TFCP2L1: variants seen among roughly 807,000 people sequenced by gnomAD.
TFCP2L1 encodes the protein transcription factor CP2 like 1, also known as transcription factor CP2-like protein 1.
TFCP2L1 carries 12 observed loss-of-function variants against 72.2 expected under a neutral mutation model. The observed-to-expected ratio is 0.17, with a 90% CI of 0.11 to 0.27. The LOEUF (loss-of-function observed/expected upper bound fraction) is 0.27, where lower values mean the gene tolerates loss of function less well. TFCP2L1 is among the 10% of genes least tolerant of loss of function. The probability of loss-of-function intolerance (pLI) is 1.00; values close to 1 mark genes in which losing one functional copy is unlikely to be tolerated. For missense variants in TFCP2L1, 488 were observed against 624.6 expected, an observed-to-expected ratio of 0.78 and a Z score of 2.33; for synonymous variants, 260 against 251.0, an observed-to-expected ratio of 1.04 and a Z score of -0.34.
chr2:121,238,061 A>C (rs1235579978), intron 8 of TFCP2L1, among the ~76,000 whole-genome samples: 2 of 152,214 alleles, frequency 1.3e-5, no homozygotes, highest in South Asian at 2.1e-4. Flanking sequence ...CATTGTAGAC[A>C]GCAAGTTCTG....
chr2:121,262,609 G>A (rs1038577672), intron 2 of TFCP2L1, among the ~76,000 whole-genome samples: 3 of 152,212 alleles, frequency 2.0e-5, no homozygotes, highest in Admixed American at 6.5e-5. Flanking sequence ...CGGGAACAAC[G>A]GACAGTAGTG....
chr2:121,251,333 C>G (rs1051428508), intron 2 of TFCP2L1, among the ~76,000 whole-genome samples: 3 of 151,998 alleles, frequency 2.0e-5, no homozygotes, highest in African/African-American at 4.8e-5. Flanking sequence ...CTGATGGAAC[C>G]ATGGTACATT....
rs187478576 is a variant in TFCP2L1 at position 121,260,271 on chromosome 2, G to A, written c.215-10624C>T. On this transcript the variant is annotated intron_variant, in intron 2 of 14. Transcript: ENST00000263707. ...AGGAGAAGAGGGGAAAGGGAGCTGGGGTCAGGTCAGATACACCACCGGGGT... is the reference window on the plus strand; with the variant it reads ...AGGAGAAGAGGGGAAAGGGAGCTGGAGTCAGGTCAGATACACCACCGGGGT... Among the ~76,000 whole-genome samples the A allele has an allele frequency of 5.3e-5, 8 of 150,556 alleles. No individual in the cohort carries two copies. In the East Asian group the frequency reaches 1.6e-3, roughly 30 times the overall value.
In TFCP2L1 at chr2:121,231,850, G is replaced by A; in HGVS notation, c.1317C>T (p.Gly439=). Residue 439 remains glycine (G), a synonymous_variant, in exon 13 of 15, where the codon GGC becomes GGT. Transcript: ENST00000263707. The part of the protein sequence containing the change: ...IHRVYRQGPT[G]IHVVVSNEMV... The stretch of plus-strand genomic sequence containing the variant: ...CCTCGTTGCTCACCACCACATGGAT[G>A]CCCGTGGGGCCCTGCCGGTAGACTC... The A allele has an allele frequency of 1.9e-6, 3 of 1,613,204 alleles. No homozygotes were observed. The highest frequency in any genetic ancestry group is 2.5e-6 in the Non-Finnish European group (3 of 1,179,566).
intron 2 of TFCP2L1, among the ~76,000 whole-genome samples, chr2:121,258,554 G>A (rs868583663): frequency 6.6e-6 from 1 of 152,230 alleles, no homozygotes; most frequent in Non-Finnish European, 1.5e-5. Flanking sequence ...CACTGAGGAC[G>A]CTGCATCACC....
At chr2:121,247,189 T>C (rs1168855919) in intron 5 of TFCP2L1, among the ~76,000 whole-genome samples, 1 of 152,122 alleles carries the variant, frequency 6.6e-6, no homozygotes, top group East Asian at 1.9e-4. Flanking sequence ...CCTTTGTCTC[T>C]TTACTGTGGA....
Position 121,239,579 on chromosome 2 carries a change from T to A in TFCP2L1, c.839A>T (p.Asn280Ile), listed in dbSNP as rs766096494. 1.2e-6 allele frequency: 2 copies of A among 1,614,180 alleles called. No homozygotes were observed. The highest frequency in any genetic ancestry group is 1.1e-5 in the South Asian group (1 of 91,084). The change falls in exon 8 of 15, where the codon AAC becomes ATC. Residue 280 changes from asparagine to isoleucine, a missense_variant. Physicochemically the swap from Asn to Ile is moderately radical, Grantham distance 149 (BLOSUM62 -3). Around this residue, in one of 3 missense-constraint regions of TFCP2L1, gnomAD observed 286 missense variants for 329.0 expected, o/e 0.87. Coordinates refer to ENST00000263707, the MANE Select transcript of TFCP2L1 (RefSeq NM_014553.3). Reference protein sequence around the residue: ...APSPSYNGSPNSFGLGEGNAS... With the variant: ...APSPSYNGSPISFGLGEGNAS... Reference sequence around the variant, plus strand: ...GTACCCTTCGCCGAGGCCAAAGCTGTTTGGAGAACCATTGTAGCTTGGGGA... The same window carrying A: ...GTACCCTTCGCCGAGGCCAAAGCTGATTGGAGAACCATTGTAGCTTGGGGA...
intron 7 of TFCP2L1, chr2:121,240,449 CCACCAAA>C: frequency 6.1e-6 from 6 of 985,396 alleles, no homozygotes; most frequent in Non-Finnish European, 7.2e-6. Context: ...TTACTATCAC[CCACCAAA>C]CTATAGTGTT....
Position 121,237,861 on chromosome 2 carries a change from A to C in TFCP2L1, c.861-11T>G. The C allele has an allele frequency of 6.2e-7, 1 of 1,613,922 alleles. No individual in the cohort carries two copies. Among genetic ancestry groups the C allele is most frequent in the African/African-American group, 1.3e-5 (1 of 75,044 alleles). ...GTCGGAGAGGCGTTGCTGCAAGGAA[A>C]AGGAACCAGTGATGAGGACAGAGGG... On this transcript the variant is annotated splice_polypyrimidine_tract_variant and intron_variant, in intron 8 of 14. Coordinates refer to ENST00000263707, the MANE Select transcript of TFCP2L1 (RefSeq NM_014553.3).
chr2:121,228,466 A>T (rs1244841674), intron 13 of TFCP2L1, among the ~76,000 whole-genome samples: 1 of 151,874 alleles, frequency 6.6e-6, no homozygotes, highest in Non-Finnish European at 1.5e-5. Flanking sequence ...TAAAAAAAAA[A>T]AAAAATAGCT....
chr2:121,228,211 C>CT (rs2104660289), intron 13 of TFCP2L1, among the ~76,000 whole-genome samples: 2 of 152,356 alleles, frequency 1.3e-5, no homozygotes, highest in East Asian at 3.9e-4. Flanking sequence ...ACTGCCTACT[C>CT]TTGAGCACAC....
chr2:121,273,685 A>C (rs1687090004), intron 2 of TFCP2L1, among the ~76,000 whole-genome samples: 1 of 152,198 alleles, frequency 6.6e-6, no homozygotes, highest in Non-Finnish European at 1.5e-5. Flanking sequence ...GTTTTCAGAG[A>C]ACTTTAAACA....
chr2:121,225,786 C>T (rs947128681), intron 13 of TFCP2L1, among the ~76,000 whole-genome samples, 173 bp from the exon 14 acceptor site: 11 of 150,716 alleles, frequency 7.3e-5, no homozygotes, highest in Admixed American at 4.6e-4. Context: ...CCCACACACA[C>T]GGGAACACGG....
chr2:121,224,959 T>G (rs1369782769), intron 14 of TFCP2L1, among the ~76,000 whole-genome samples: 1 of 139,490 alleles, frequency 7.2e-6, no homozygotes, highest in Admixed American at 7.6e-5. Context: ...CCCTCCAGCC[T>G]GGGTGACAGA....
At position 121,224,351 on chromosome 2, in the gene TFCP2L1, C is replaced by A. The variant is rs764468275; in HGVS notation, c.1430G>T (p.Cys477Phe). 5 of 1,614,054 alleles carry A rather than the reference C, an allele frequency of 3.1e-6. No homozygotes were observed. Among genetic ancestry groups the A allele is most frequent in the Non-Finnish European group, 4.2e-6 (5 of 1,180,012 alleles). ...GAGGTCCACTGCTGCTCAGAGTCCA[C>A]ATTTCAGGATGATGTGGTAGCCATC... ...SNDGYHIILK[C>F]GL Residue 477 changes from cysteine (C) to phenylalanine (F), a missense_variant, in exon 15 of 15, where the codon TGT (cysteine) becomes TTT (phenylalanine). Physicochemically the swap from Cys to Phe is radical, Grantham distance 205 (BLOSUM62 -2). Around this residue, in one of 3 missense-constraint regions of TFCP2L1, gnomAD observed 286 missense variants for 329.0 expected, o/e 0.87. Transcript: ENST00000263707.
rs150737339 is a variant in TFCP2L1, at chr2:121,225,695, G to A, written c.1342-82C>T. The A allele has an allele frequency of 1.9e-4, 281 of 1,488,536 alleles. 1 individual carries two copies. In the African/African-American group the frequency reaches 2.4e-3, roughly 13 times the overall value. 92.2% of individuals were successfully genotyped at this position (1,488,536 alleles called of 1,614,324 possible). ...CCTCGGTGGCAGAGCCTAGCCATGC[G>A]CAGCTGCAGAAACACCACTGCCAAG... On this transcript the variant is annotated intron_variant, in intron 13 of 14. Transcript: ENST00000263707.
intron 6 of TFCP2L1, among the ~76,000 whole-genome samples, chr2:121,244,839 G>A (rs1432192783): frequency 6.6e-6 from 1 of 152,168 alleles, no homozygotes; most frequent in African/African-American, 2.4e-5. Flanking sequence ...GTGGTGGCCA[G>A]AGCGACAGTG....
intron 2 of TFCP2L1, among the ~76,000 whole-genome samples, chr2:121,269,109 A>C (rs1421265526): frequency 6.6e-6 from 1 of 152,100 alleles, no homozygotes. Context: ...ATACAAAAAT[A>C]ATTAAGGTGA....
intron 2 of TFCP2L1, among the ~76,000 whole-genome samples, chr2:121,250,604 A>T (rs2104707856): frequency 7.3e-6 from 1 of 136,328 alleles, no homozygotes; most frequent in Admixed American, 7.6e-5. Context: ...TGGTATTGGC[A>T]TATCTTTTTT....
Sources: gnomAD v4.1 joint callset for allele counts (sites outside exome capture counted in the v4.1 genomes callset) on GRCh38, gnomAD v4.1.1 for gene constraint, gnomAD v4.1.1 regional missense constraint, MANE v1.5 for transcripts, NCBI Gene and HGNC (gene_info 2026-07-23, HGNC 2026-07-21) for gene names.